Variants in INSR observed in about 807,000 individuals in gnomAD.
INSR encodes insulin receptor.
In INSR, 67 loss-of-function variants were observed where a neutral mutation model predicts 142.6. That is an observed-to-expected ratio of 0.47 (90% CI 0.39 to 0.58). The LOEUF is 0.58. Among genes scored for constraint, INSR ranks in the 20% least tolerant of loss-of-function variants. The probability of loss-of-function intolerance (pLI) is 0.00; values close to 1 mark genes in which losing one functional copy is unlikely to be tolerated. For synonymous variants in INSR, 756 were observed against 743.1 expected (o/e 1.02, Z -0.28); for missense variants, 1,248 against 1,833.2 (o/e 0.68, Z 5.83).
rs753624268 is a variant in INSR, at chr19:7,117,177, C to G, written c.4028G>C (p.Arg1343Pro). The change falls in exon 22 of 22, where the codon CGG becomes CCG. Residue 1343 changes from arginine (R) to proline (P), a missense_variant. This residue lies in a region of INSR where 122 missense variants were observed against 129.8 expected (regional missense o/e 0.94). Transcript: ENST00000302850. ...GAAACCCAGCGAGGACCCTCCATCCCGGCCCCCCGCCTCCTCCCTCTGACA... is the reference window on the plus strand; with the variant it reads ...GAAACCCAGCGAGGACCCTCCATCCGGGCCCCCCGCCTCCTCCCTCTGACA... ...SHCQREEAGG[R>P]DGGSSLGFKR... is the part of the protein sequence containing the mutation. 9.3e-6 allele frequency: 15 copies of G among 1,614,114 alleles called. No homozygotes were observed. The highest frequency in any genetic ancestry group is 1.3e-5 in the Non-Finnish European group (15 of 1,180,004).
rs763910570 is a variant in INSR, at chr19:7,132,348, G to A, written c.2683-31C>T. ...AGGAAGAGAGGAGGAGAAGGAGGGT[G>A]GCTGAGCTTTGCACATCTGGGAGTG... On this transcript the variant is annotated intron_variant, in intron 13 of 21. Coordinates refer to ENST00000302850, the MANE Select transcript of INSR (RefSeq NM_000208.4). The A allele has an allele frequency of 3.1e-6, 5 of 1,609,654 alleles. No individual in the cohort carries two copies. In the East Asian group the frequency reaches 1.1e-4, roughly 36 times the overall value.
At chr19:7,148,483 T>TTTTC (rs1973236275) in intron 11 of INSR, among the ~76,000 whole-genome samples, 1 of 132,036 alleles carries the variant, frequency 7.6e-6, no homozygotes, top group African/African-American at 2.9e-5. Flanking sequence ...TATTCTTTTT[T>TTTTC]TTTTTTTTTT....
chr19:7,119,991 G>A lies in INSR; in HGVS notation c.3660-408C>T, dbSNP rs1031968856. Among the ~76,000 whole-genome samples, 1 of 152,170 alleles carries A rather than the reference G, an allele frequency of 6.6e-6. No individual in the cohort carries two copies. The highest frequency in any genetic ancestry group is 1.5e-5 in the Non-Finnish European group (1 of 68,034). ...ATTCATGCTGCAGTTCATAAATGCT[G>A]TGAAAGGAAAATCAATTTGGGGCTC... is the stretch of plus-strand genomic sequence containing the variant. On this transcript the variant is annotated intron_variant, in intron 20 of 21. Coordinates refer to ENST00000302850, the MANE Select transcript of INSR (RefSeq NM_000208.4). This position sits in a 1 kb window ranked among gnomAD's most constrained non-coding sequence, Gnocchi z 5.2.
In INSR at chr19:7,149,282, T is replaced by C. The variant is rs747271665; in HGVS notation, c.2267+1215A>G. On this transcript the variant is annotated intron_variant, in intron 11 of 21. Transcript: ENST00000302850. The stretch of plus-strand genomic sequence containing the variant: ...TTAGACCCTTCTTGGCTACAGTTAG[T>C]ATTGCAAATGGCCACTAGAGGGCAG... Among the ~76,000 whole-genome samples, 45 of 152,232 alleles carry C rather than the reference T, an allele frequency of 3.0e-4. No individual in the cohort carries two copies. In the Middle Eastern group the frequency reaches 0.024, roughly 81 times the overall value.
intron 2 of INSR, among the ~76,000 whole-genome samples, chr19:7,208,898 G>T (rs1380295445): frequency 6.6e-6 from 1 of 152,180 alleles, no homozygotes; most frequent in African/African-American, 2.4e-5. Context: ...AGCTACTCGA[G>T]AGGCAGAAGC....
intron 1 of INSR, among the ~76,000 whole-genome samples, chr19:7,271,693 C>G (rs1470991405): frequency 6.6e-6 from 1 of 152,130 alleles, no homozygotes; most frequent in Admixed American, 6.6e-5. Context: ...GACGTGTACA[C>G]AAATGTCTAT....
chr19:7,286,007 G>A (rs184554703), intron 1 of INSR, among the ~76,000 whole-genome samples: 43 of 152,238 alleles, frequency 2.8e-4, no homozygotes, highest in African/African-American at 1.0e-3. Flanking sequence ...TTGTTACACA[G>A]TCTCACTATG....
At chr19:7,237,773 G>A (rs991599980) in intron 2 of INSR, among the ~76,000 whole-genome samples, 7 of 151,924 alleles carry the variant, frequency 4.6e-5, no homozygotes, top group South Asian at 2.1e-4. Flanking sequence ...CGAAGATGGC[G>A]CCACTGGACT....
intron 1 of INSR, among the ~76,000 whole-genome samples, chr19:7,279,287 C>T (rs1968143188): frequency 6.6e-6 from 1 of 151,528 alleles, no homozygotes; most frequent in Admixed American, 6.6e-5. Flanking sequence ...CAGTAAGACC[C>T]CATGTCTATA....
At chr19:7,178,575 C>T (rs1158318420) in intron 3 of INSR, among the ~76,000 whole-genome samples, 4 of 151,982 alleles carry the variant, frequency 2.6e-5, no homozygotes, top group East Asian at 1.9e-4. Context: ...AAAAATTAGC[C>T]GTGCGTGATG....
intron 2 of INSR, among the ~76,000 whole-genome samples, chr19:7,219,293 G>A (rs73490726): frequency 0.06 from 9,088 of 152,054 alleles, 701 homozygotes; most frequent in African/African-American, 0.18. Flanking sequence ...CTGAAGCTCC[G>A]GGCTCCAGTT....
At chr19:7,200,050 G>A (rs1239723243) in intron 2 of INSR, among the ~76,000 whole-genome samples, 2 of 152,168 alleles carry the variant, frequency 1.3e-5, no homozygotes, top group African/African-American at 4.8e-5. Context: ...ACAGTTCAGA[G>A]TTGATGAAGG....
chr19:7,254,510 C>G (rs1481980976), intron 2 of INSR, among the ~76,000 whole-genome samples: 1 of 152,044 alleles, frequency 6.6e-6, no homozygotes, highest in East Asian at 1.9e-4. Flanking sequence ...GCCTGGGTGA[C>G]AGAGCAAGAC....
chr19:7,173,245 T>G (rs1477014662), intron 4 of INSR, among the ~76,000 whole-genome samples: 2 of 152,314 alleles, frequency 1.3e-5, no homozygotes, highest in East Asian at 3.9e-4. Flanking sequence ...GGACTTTCCC[T>G]TACTCACTGT....
chr19:7,119,217 C>T lies in INSR; in HGVS notation c.3794+232G>A, dbSNP rs971881792. On this transcript the variant is annotated intron_variant, in intron 21 of 21. Coordinates refer to ENST00000302850, the MANE Select transcript of INSR (RefSeq NM_000208.4). The surrounding 1 kb of genome is among the most constrained non-coding windows in gnomAD (Gnocchi z 5.2). ...CCTATGTAAATATATAATATGCAAA[C>T]GTAAGCGTACATGTAGCACATATGG... Among the ~76,000 whole-genome samples, 9 of 152,060 alleles carry T rather than the reference C, an allele frequency of 5.9e-5. No homozygotes were observed. The highest frequency in any genetic ancestry group is 7.3e-5 in the Non-Finnish European group (5 of 68,032).
Position 7,142,922 on chromosome 19 carries a change from C to T in INSR, c.2436G>A (p.Leu812=), listed in dbSNP as rs1973106615. The change falls in exon 12 of 22, where the codon TTG becomes TTA. Residue 812 remains leucine (L), a synonymous_variant. Coordinates refer to ENST00000302850, the MANE Select transcript of INSR (RefSeq NM_000208.4). ...VNKESLVISG[L]RHFTGYRIEL... ...CGATGCGATAGCCCGTGAAGTGTCG[C>T]AAGCCGGAGATGACCAGCGACTCCT... 1.9e-6 allele frequency: 3 copies of T among 1,614,146 alleles called. No individual in the cohort carries two copies. The highest frequency in any genetic ancestry group is 1.7e-5 in the Admixed American group (1 of 60,012).
chr19:7,243,254 T>G lies in INSR; in HGVS notation c.652+24091A>C, dbSNP rs922759073. Among the ~76,000 whole-genome samples the G allele has an allele frequency of 6.3e-4, 86 of 136,688 alleles. 1 individual carries two copies. Among genetic ancestry groups the G allele is most frequent in the African/African-American group, 2.2e-3 (77 of 35,464 alleles). 89.7% of individuals were successfully genotyped at this position (136,688 alleles called of 152,430 possible). A position where few individuals can be genotyped will look rare whatever the true frequency, so the allele number is the denominator to read the frequency against. ...TTTTGGTTTTTTTTTTTTTTTTTTT[T>G]TTTTTTTTTGAGATGCAGTCTAGCT... is the stretch of plus-strand genomic sequence containing the variant. On this transcript the variant is annotated intron_variant, in intron 2 of 21. Transcript: ENST00000302850.
At chr19:7,217,576 T>C (rs962824108) in intron 2 of INSR, among the ~76,000 whole-genome samples, 1 of 152,234 alleles carries the variant, frequency 6.6e-6, no homozygotes, top group Non-Finnish European at 1.5e-5. Context: ...TTTTCTTTTT[T>C]GAGACGGAGT....
chr19:7,194,508 CTTTTTT>C (rs35025189), intron 2 of INSR, among the ~76,000 whole-genome samples: 1 of 73,570 alleles, frequency 1.4e-5, no homozygotes, highest in Admixed American at 2.0e-4. Context: ...AATAGCTTTG[CTTTTTT>C]TTTTTTTTTT....
Sources: gnomAD v4.1 joint callset for allele counts (sites outside exome capture counted in the v4.1 genomes callset) on GRCh38, gnomAD v4.1.1 for gene constraint, gnomAD v4.1.1 regional missense constraint, Gnocchi (gnomAD v3.1) non-coding constraint, MANE v1.5 for transcripts, NCBI Gene and HGNC (gene_info 2026-07-23, HGNC 2026-07-21) for gene names.